The following ERC2 variants were observed in gnomAD, a reference collection of about 807,000 sequenced individuals.
The protein encoded by ERC2 is ERC protein 2.
In ERC2, 42 loss-of-function variants were observed where a neutral mutation model predicts 114.8. The observed-to-expected ratio is 0.37, with a 90% CI of 0.29 to 0.47. The LOEUF (loss-of-function observed/expected upper bound fraction) is 0.47. Among genes scored for constraint, ERC2 ranks in the 20% least tolerant of loss-of-function variants. The pLI is 0.99. For missense variants in ERC2, 939 were observed against 1,150.7 expected (o/e 0.82, Z 2.66); for synonymous variants, 454 against 425.5 (o/e 1.07, Z -0.82).
chr3:55,760,853 G>A (rs1349638958), intron 14 of ERC2, among the ~76,000 whole-genome samples: 2 of 152,212 alleles, frequency 1.3e-5, no homozygotes, highest in East Asian at 1.9e-4. Context: ...AAATGTTAGT[G>A]GGTCAGGGGT....
At chr3:56,253,366 A>C (rs2052308240) in intron 3 of ERC2, among the ~76,000 whole-genome samples, 1 of 152,236 alleles carries the variant, frequency 6.6e-6, no homozygotes, top group Admixed American at 6.5e-5. Context: ...ACCTTATTTA[A>C]AAAACTGTTT....
chr3:55,904,450 T>C (rs1334146427), intron 13 of ERC2, among the ~76,000 whole-genome samples: 1 of 152,140 alleles, frequency 6.6e-6, no homozygotes, highest in Non-Finnish European at 1.5e-5. Context: ...GAATACCAAA[T>C]AGTAAGAAGA....
chr3:56,228,823 T>G (rs2050418370), intron 3 of ERC2, among the ~76,000 whole-genome samples: 1 of 152,180 alleles, frequency 6.6e-6, no homozygotes, highest in South Asian at 2.1e-4. Flanking sequence ...TAAAGAGCAA[T>G]GACAACAACA....
At chr3:56,332,416 T>C (rs1439990680) in intron 2 of ERC2, among the ~76,000 whole-genome samples, 3 of 152,220 alleles carry the variant, frequency 2.0e-5, no homozygotes, top group Non-Finnish European at 4.4e-5. Flanking sequence ...CTATCAGTTC[T>C]ATGAGTTGGC....
chr3:55,752,666 T>C (rs1175063726), intron 14 of ERC2, among the ~76,000 whole-genome samples: 1 of 152,212 alleles, frequency 6.6e-6, no homozygotes, highest in Non-Finnish European at 1.5e-5. Flanking sequence ...GAAGGTGCCA[T>C]TATGTTCCCA....
intron 17 of ERC2, among the ~76,000 whole-genome samples, chr3:55,549,163 T>C (rs2054969408): frequency 6.6e-6 from 1 of 152,190 alleles, no homozygotes; most frequent in South Asian, 2.1e-4. Context: ...GAGTCCTGGA[T>C]TCACCACTGA....
intron 17 of ERC2, among the ~76,000 whole-genome samples, chr3:55,558,958 C>G (rs996622383): frequency 6.6e-6 from 1 of 152,182 alleles, no homozygotes; most frequent in African/African-American, 2.4e-5. Flanking sequence ...TAGTATTTCC[C>G]TTTGCAAAAC....
At chr3:56,370,595 G>GTTTT (rs71621814) in intron 2 of ERC2, among the ~76,000 whole-genome samples, 2 of 124,056 alleles carry the variant, frequency 1.6e-5, no homozygotes, top group South Asian at 2.7e-4. Flanking sequence ...GGGTTTTTTT[G>GTTTT]TTTTTTTTTT....
Position 56,390,174 on chromosome 3 carries a change from A to C in ERC2, c.657+44177T>G, listed in dbSNP as rs73075866. ...AATGCCCTATTAGAAACCATTCTTT[A>C]ATTAGCTTTTCCATCAGCTTTTCCA... On this transcript the variant is annotated intron_variant, in intron 2 of 17. Transcript: ENST00000288221. 8.0e-3 allele frequency among the ~76,000 whole-genome samples: 1,212 copies of C among 152,202 alleles called. 13 individuals are homozygous for C. Among genetic ancestry groups the C allele is most frequent in the Middle Eastern group, 0.02 (6 of 294 alleles).
Position 55,510,077 on chromosome 3 carries a change from C to T in ERC2, c.*1239G>A, listed in dbSNP as rs1324186935. 6.6e-6 allele frequency: 1 copy of T among 152,554 alleles called. No homozygotes were observed. Among genetic ancestry groups the T allele is most frequent in the African/African-American group, 2.4e-5 (1 of 41,414 alleles). 9.5% of individuals were successfully genotyped at this position (152,554 alleles called of 1,614,324 possible). A position where few individuals can be genotyped will look rare whatever the true frequency, so the allele number is the denominator to read the frequency against. ...TTTAATTCTCCTTAGTACCATATCACTGTATGTAAAAGACCTCAAAATTTG... is the reference window on the plus strand; with the variant it reads ...TTTAATTCTCCTTAGTACCATATCATTGTATGTAAAAGACCTCAAAATTTG... On this transcript the variant is annotated 3_prime_UTR_variant, in exon 18 of 18. Coordinates refer to ENST00000288221, the MANE Select transcript of ERC2 (RefSeq NM_015576.3).
chr3:56,371,751 C>T (rs1178464208), intron 2 of ERC2, among the ~76,000 whole-genome samples: 1 of 152,256 alleles, frequency 6.6e-6, no homozygotes, highest in African/African-American at 2.4e-5. Context: ...TGTCATCCCA[C>T]CACTGTACCC....
chr3:56,382,806 G>A (rs927964391), intron 2 of ERC2, among the ~76,000 whole-genome samples: 4 of 151,728 alleles, frequency 2.6e-5, no homozygotes, highest in East Asian at 1.9e-4. Flanking sequence ...AATTTATACC[G>A]TTAGGCTTGC....
At chr3:55,778,534 T>C (rs1345884775) in intron 14 of ERC2, among the ~76,000 whole-genome samples, 1 of 152,210 alleles carries the variant, frequency 6.6e-6, no homozygotes, top group East Asian at 1.9e-4. Flanking sequence ...CTGGGATTCA[T>C]ATAATTATGA....
At chr3:56,265,961 G>A (rs1225918719) in intron 3 of ERC2, among the ~76,000 whole-genome samples, 1 of 150,900 alleles carries the variant, frequency 6.6e-6, no homozygotes, top group African/African-American at 2.4e-5. Flanking sequence ...CCTGGGCGGT[G>A]GAGGTTGCAG....
At chr3:55,697,034 A>C (rs2062968414) in intron 16 of ERC2, among the ~76,000 whole-genome samples, 1 of 152,176 alleles carries the variant, frequency 6.6e-6, no homozygotes, top group Non-Finnish European at 1.5e-5. Flanking sequence ...AGTTGGAGCT[A>C]CCTTTTATCT....
chr3:56,421,614 T>C (rs1559479922), intron 2 of ERC2, among the ~76,000 whole-genome samples: 1 of 152,180 alleles, frequency 6.6e-6, no homozygotes, highest in Non-Finnish European at 1.5e-5. Context: ...TCATAAGAGA[T>C]ATATAAAAAT....
chr3:56,155,489 T>G (rs1368488228), intron 4 of ERC2, among the ~76,000 whole-genome samples: 1 of 152,126 alleles, frequency 6.6e-6, no homozygotes, highest in Admixed American at 6.6e-5. Context: ...ATAGCTACAT[T>G]TGAACCATCC....
intron 2 of ERC2, among the ~76,000 whole-genome samples, chr3:56,309,182 G>A (rs2150388753): frequency 6.6e-6 from 1 of 152,308 alleles, no homozygotes; most frequent in East Asian, 1.9e-4. Context: ...CTCTTTTGGG[G>A]TAGAATACCC....
intron 4 of ERC2, among the ~76,000 whole-genome samples, chr3:56,160,739 G>A (rs920064428): frequency 1.3e-5 from 2 of 152,062 alleles, no homozygotes; most frequent in South Asian, 2.1e-4. Context: ...ATAGGAAGTT[G>A]TTTCCCCATT....
Sources: gnomAD v4.1 joint callset for allele counts (sites outside exome capture counted in the v4.1 genomes callset) on GRCh38, gnomAD v4.1.1 for gene constraint, MANE v1.5 for transcripts, NCBI Gene and HGNC (gene_info 2026-07-23, HGNC 2026-07-21) for gene names.